TULP4: variants seen among roughly 807,000 people sequenced by gnomAD.
TULP4 encodes tubby-related protein 4.
TULP4 carries 16 observed loss-of-function variants against 129.0 expected under a neutral mutation model. That is an observed-to-expected ratio of 0.12 (90% CI 0.08 to 0.19). The LOEUF (loss-of-function observed/expected upper bound fraction) is 0.19, where lower values mean the gene tolerates loss of function less well. TULP4 is among the 10% of genes least tolerant of loss of function. TULP4 has a pLI of 1.00. For missense variants in TULP4, 1,842 were observed against 2,059.1 expected (o/e 0.89, Z 2.04); for synonymous variants, 998 against 854.0 (o/e 1.17, Z -2.94).
chr6:158,481,999 C>T (rs1233633965), intron 8 of TULP4, among the ~76,000 whole-genome samples: 1 of 152,198 alleles, frequency 6.6e-6, no homozygotes. Context: ...CCACCTCCCT[C>T]TGAAACTTTG....
Position 158,461,668 on chromosome 6 carries a change from C to T in TULP4, c.965C>T (p.Ala322Val), listed in dbSNP as rs866785569. 6.2e-7 allele frequency: 1 copy of T among 1,614,064 alleles called. No homozygotes were observed. Among genetic ancestry groups the T allele is most frequent in the Non-Finnish European group, 8.5e-7 (1 of 1,180,006 alleles). Residue 322 changes from alanine to valine, a missense_variant, in exon 6 of 14, where the codon GCC (alanine) becomes GTC (valine). Transcript: ENST00000367097. ...ELPNGPLLKS[A>V]MVKFYNVRGE... ...CCCAATGGTCCCCTTCTGAAGAGTG[C>T]CATGGTCAAGTTCTACAATGTTCGT...
At chr6:158,315,568 A>G (rs1462737767) in intron 1 of TULP4, among the ~76,000 whole-genome samples, 1 of 152,204 alleles carries the variant, frequency 6.6e-6, no homozygotes, top group African/African-American at 2.4e-5. Flanking sequence ...CAAAATATAG[A>G]GCATTTCCAG....
In TULP4 at chr6:158,500,574, G is replaced by A. The variant is rs553999107; in HGVS notation, c.2015-1104G>A. On this transcript the variant is annotated intron_variant, in intron 12 of 13. Transcript: ENST00000367097. ...GGGAAAAGCCACAGGGTAGCACAGT[G>A]GGCCTAGAGGAGCCAACTGCAGAGT... 2.0e-5 allele frequency among the ~76,000 whole-genome samples: 3 copies of A among 152,344 alleles called. No homozygotes were observed. In the East Asian group the frequency reaches 5.8e-4, roughly 29 times the overall value.
intron 6 of TULP4, among the ~76,000 whole-genome samples, chr6:158,477,131 A>G (rs1295053045): frequency 6.6e-6 from 1 of 152,192 alleles, no homozygotes; most frequent in Non-Finnish European, 1.5e-5. Flanking sequence ...AATTATATAT[A>G]TAAAGGTAAC....
chr6:158,437,618 T>C (rs535857883), intron 3 of TULP4, among the ~76,000 whole-genome samples: 7 of 152,128 alleles, frequency 4.6e-5, no homozygotes, highest in Non-Finnish European at 1.0e-4. Flanking sequence ...TTTTCAGAGA[T>C]ATTAAGGGAT....
At chr6:158,372,532 C>A (rs1346588285) in intron 1 of TULP4, among the ~76,000 whole-genome samples, 1 of 152,110 alleles carries the variant, frequency 6.6e-6, no homozygotes, top group Non-Finnish European at 1.5e-5. Flanking sequence ...ATATCAATTT[C>A]TATTTTAAGA....
chr6:158,279,918 C>T (rs1778719150), upstream of TULP4, among the ~76,000 whole-genome samples: 1 of 152,178 alleles, frequency 6.6e-6, no homozygotes. Flanking sequence ...TTTCAGAACA[C>T]AGTTGTGAAG....
chr6:158,503,535 T>C lies in TULP4; in HGVS notation c.3872T>C (p.Leu1291Pro), dbSNP rs1307828619. Residue 1291 changes from leucine (L) to proline (P), a missense_variant, in exon 13 of 14, where the codon CTT (leucine) becomes CCT (proline). Coordinates refer to ENST00000367097, the MANE Select transcript of TULP4 (RefSeq NM_020245.5). The surrounding 1 kb of genome is among the most constrained non-coding windows in gnomAD (Gnocchi z 4.3). ...PKPHLVVEKPLVSPPPADLQS... is the reference protein window; with the variant it reads ...PKPHLVVEKPPVSPPPADLQS... The stretch of plus-strand genomic sequence containing the variant: ...CCACACTTGGTGGTGGAGAAGCCCC[T>C]TGTGTCCCCACCACCTGCCGACCTC... 1 of 1,613,774 alleles carries C rather than the reference T, an allele frequency of 6.2e-7. No homozygotes were observed.
chr6:158,454,661 G>A (rs1489767744), intron 5 of TULP4, among the ~76,000 whole-genome samples: 22 of 151,018 alleles, frequency 1.5e-4, no homozygotes, highest in Admixed American at 1.1e-3. Context: ...GCTGGAGTGC[G>A]GTGGCACGAT....
At chr6:158,416,406 G>A (rs1253510573) in intron 2 of TULP4, among the ~76,000 whole-genome samples, 2 of 152,262 alleles carry the variant, frequency 1.3e-5, no homozygotes, top group East Asian at 1.9e-4. Context: ...CTGACCGGGT[G>A]TAGGCCTAGG....
chr6:158,373,473 A>G (rs898433297), intron 1 of TULP4, among the ~76,000 whole-genome samples: 2 of 152,250 alleles, frequency 1.3e-5, no homozygotes, highest in African/African-American at 4.8e-5. Context: ...TGGCAGTCGA[A>G]TCAGTCATCG....
intron 1 of TULP4, among the ~76,000 whole-genome samples, chr6:158,301,443 G>A: frequency 6.6e-6 from 1 of 151,498 alleles, no homozygotes; most frequent in East Asian, 1.9e-4. Flanking sequence ...GATAAAATCA[G>A]CCAAGTGAAT....
At chr6:158,306,045 T>C (rs190493880) in intron 1 of TULP4, among the ~76,000 whole-genome samples, 9 of 152,320 alleles carry the variant, frequency 5.9e-5, no homozygotes, top group African/African-American at 1.9e-4. Flanking sequence ...TTGATTGTTC[T>C]TTTTTGTTGT....
intron 1 of TULP4, among the ~76,000 whole-genome samples, chr6:158,337,532 C>T (rs1302997960): frequency 6.6e-6 from 1 of 152,188 alleles, no homozygotes; most frequent in Non-Finnish European, 1.5e-5. Context: ...AATAGGTCCT[C>T]AAATACCTTT....
chr6:158,281,440 T>TTTTA (rs912237374), upstream of TULP4, among the ~76,000 whole-genome samples: 2 of 151,984 alleles, frequency 1.3e-5, no homozygotes, highest in South Asian at 2.1e-4. Flanking sequence ...TCACCTTAGT[T>TTTTA]TTTATTTATT....
intron 1 of TULP4, among the ~76,000 whole-genome samples, chr6:158,334,506 C>T (rs1306908192): frequency 6.6e-6 from 1 of 152,104 alleles, no homozygotes; most frequent in Non-Finnish European, 1.5e-5. Context: ...ATTGGTAAGG[C>T]TACTGATCAG....
At chr6:158,270,695 T>G (rs1778531784) in intron 1 of TULP4, among the ~76,000 whole-genome samples, 1 of 152,248 alleles carries the variant, frequency 6.6e-6, no homozygotes, top group South Asian at 2.1e-4. Flanking sequence ...TTTTAAGCTT[T>G]TCTCAAGCTT....
chr6:158,365,405 T>G (rs1220918362), intron 1 of TULP4, among the ~76,000 whole-genome samples: 2 of 151,946 alleles, frequency 1.3e-5, no homozygotes, highest in Non-Finnish European at 2.9e-5. Context: ...TCTAAAAATT[T>G]TTTTTTTTCT....
chr6:158,324,957 G>T (rs1405301850), intron 1 of TULP4, among the ~76,000 whole-genome samples: 1 of 152,198 alleles, frequency 6.6e-6, no homozygotes, highest in Non-Finnish European at 1.5e-5. Flanking sequence ...TTGGTGAAGT[G>T]TTGGAGAGTA....
Sources: allele counts gnomAD v4.1 joint callset (sites outside exome capture counted in the v4.1 genomes callset), GRCh38; gene constraint gnomAD v4.1.1; non-coding constraint Gnocchi (gnomAD v3.1); transcripts MANE v1.5; gene names NCBI Gene and HGNC (gene_info 2026-07-23, HGNC 2026-07-21).